The following MRAP2 variants were observed in gnomAD, a reference collection of about 807,000 sequenced individuals.
The protein encoded by MRAP2 is melanocortin 2 receptor accessory protein 2, also known as melanocortin-2 receptor accessory protein 2.
MRAP2 carries 20 observed loss-of-function variants against 17.4 expected under a neutral mutation model. That is an observed-to-expected ratio of 1.15 (90% CI 0.81 to 1.67). MRAP2 has a LOEUF of 1.67. Ranked by LOEUF, MRAP2 falls within the 40% of genes most tolerant of loss-of-function variation. The pLI, the probability that MRAP2 is intolerant of heterozygous loss-of-function variation, is 0.00. For synonymous variants in MRAP2, 96 were observed against 88.4 expected (o/e 1.09, Z -0.48); for missense variants, 238 against 240.0 (o/e 0.99, Z 0.05).
the MRAP2 span, among the ~76,000 whole-genome samples, chr6:84,139,264 CCA>C: frequency 5.3e-5 from 8 of 152,256 alleles, no homozygotes; most frequent in African/African-American, 1.2e-4. Flanking sequence ...ATTTACATTC[CCA>C]CAGTTTCCCA....
chr6:84,066,831 T>C (rs1304431579), intron 3 of MRAP2, among the ~76,000 whole-genome samples: 1 of 152,194 alleles, frequency 6.6e-6, no homozygotes, highest in Non-Finnish European at 1.5e-5. Context: ...TATCTCAGAT[T>C]GGCAATTTTT....
At chr6:84,082,773 A>G (rs931777486) in intron 3 of MRAP2, among the ~76,000 whole-genome samples, 1 of 151,916 alleles carries the variant, frequency 6.6e-6, no homozygotes. Context: ...AGCTTGATCA[A>G]TCCTTTATTC....
chr6:84,061,506 A>G (rs943237553), intron 2 of MRAP2, among the ~76,000 whole-genome samples: 2 of 152,212 alleles, frequency 1.3e-5, no homozygotes, highest in Admixed American at 6.5e-5. Flanking sequence ...GGAATTACAG[A>G]CAAAAATGTT....
intron 1 of MRAP2, among the ~76,000 whole-genome samples, chr6:84,041,883 G>T (rs1402585870): frequency 1.3e-5 from 2 of 152,342 alleles, no homozygotes; most frequent in South Asian, 2.1e-4. Flanking sequence ...TTGAGTTAAT[G>T]CTGGAATGAG....
At chr6:84,135,811 C>T in the MRAP2 span, among the ~76,000 whole-genome samples, 7 of 152,016 alleles carry the variant, frequency 4.6e-5, no homozygotes, top group Admixed American at 6.6e-5. Context: ...TGCTGTGAGC[C>T]GAGATTGTGC....
At chr6:84,087,019 T>C (rs138988915) in intron 3 of MRAP2, among the ~76,000 whole-genome samples, 6 of 152,332 alleles carry the variant, frequency 3.9e-5, no homozygotes, top group African/African-American at 1.4e-4. Context: ...ATCTTAATTA[T>C]GCTTTCTCCA....
At chr6:84,129,381 C>T in the MRAP2 span, among the ~76,000 whole-genome samples, 6,682 of 152,280 alleles carry the variant, frequency 0.044, 478 homozygotes, top group African/African-American at 0.15. Flanking sequence ...GATCGCCATT[C>T]TAACTGGCAT....
At position 84,083,870 on chromosome 6, in the gene MRAP2, C is replaced by T. The variant is rs528319754; in HGVS notation, c.228-5221C>T. 5.9e-5 allele frequency among the ~76,000 whole-genome samples: 9 copies of T among 152,076 alleles called. No homozygotes were observed. In the South Asian group the frequency reaches 6.2e-4, roughly 10 times the overall value. On this transcript the variant is annotated intron_variant, in intron 3 of 3. Coordinates refer to ENST00000257776, the MANE Select transcript of MRAP2 (RefSeq NM_138409.4). The stretch of plus-strand genomic sequence containing the variant: ...ACAAATACATAGAAGCAGATTCTCT[C>T]GCTTTCGTCTGGATATTTTAGTCAT...
intron 1 of MRAP2, among the ~76,000 whole-genome samples, chr6:84,049,973 C>T (rs1247369240): frequency 7.8e-6 from 1 of 128,504 alleles, no homozygotes; most frequent in Non-Finnish European, 1.5e-5. Flanking sequence ...GCCCAGCGTG[C>T]GTGCATTCAT....
intron 3 of MRAP2, among the ~76,000 whole-genome samples, chr6:84,083,956 T>C (rs951845188): frequency 3.3e-5 from 5 of 152,194 alleles, no homozygotes; most frequent in African/African-American, 1.2e-4. Context: ...ACTCAAATTA[T>C]ATTTCTGACA....
chr6:84,055,326 C>A lies in MRAP2; in HGVS notation c.8C>A (p.Ala3Asp). MS[A>D]QRLISNRTSQ... ...CATTTGTGCAGGTCGGAGATGTCCG[C>A]CCAGAGGTTAATTTCTAACAGAACC... Residue 3 changes from alanine (A) to aspartate (D), a missense_variant, in exon 2 of 4, where the codon GCC becomes GAC. Physicochemically the swap from Ala to Asp is moderately radical, Grantham distance 126. Transcript: ENST00000257776. 6.2e-7 allele frequency: 1 copy of A among 1,613,294 alleles called. No homozygotes were observed. The highest frequency in any genetic ancestry group is 1.7e-4 in the Middle Eastern group (1 of 6,060).
At chr6:84,140,725 A>G in the MRAP2 span, among the ~76,000 whole-genome samples, 7 of 151,990 alleles carry the variant, frequency 4.6e-5, no homozygotes, top group Non-Finnish European at 2.9e-5. Context: ...ATGTCTCGTC[A>G]TATTGCCCAG....
downstream of MRAP2, among the ~76,000 whole-genome samples, chr6:84,095,734 G>A (rs958186257): frequency 1.3e-5 from 2 of 152,166 alleles, no homozygotes; most frequent in Non-Finnish European, 2.9e-5. Flanking sequence ...TTATGTCTAG[G>A]CCAGGCTTTT....
intron 3 of MRAP2, among the ~76,000 whole-genome samples, chr6:84,073,669 C>T (rs1185416891): frequency 1.3e-5 from 2 of 152,178 alleles, no homozygotes; most frequent in Non-Finnish European, 2.9e-5. Context: ...GGGCTCTGGA[C>T]TCAAACATTT....
chr6:84,033,696 C>A (rs2099485121), upstream of MRAP2: 2 of 984,822 alleles, frequency 2.0e-6, no homozygotes, highest in Middle Eastern at 5.2e-4. Context: ...GCGCTGCAGC[C>A]CTGCTCCGGC....
chr6:84,061,885 G>A lies in MRAP2; in HGVS notation c.128-1008G>A, dbSNP rs180844297. 406 of 985,410 alleles carry A rather than the reference G, an allele frequency of 4.1e-4. No individual in the cohort carries two copies. In the Middle Eastern group the frequency reaches 6.3e-3, roughly 15 times the overall value. 61.0% of individuals were successfully genotyped at this position (985,410 alleles called of 1,614,324 possible). ...AATCTCTTTTACTCTGGAAAAGTGG[G>A]TCAGTTCTGTTTTTGTTGGAGAGCT... On this transcript the variant is annotated intron_variant, in intron 2 of 3. Transcript: ENST00000257776.
At chr6:84,119,672 TCATA>T in the MRAP2 span, among the ~76,000 whole-genome samples, 1 of 152,212 alleles carries the variant, frequency 6.6e-6, no homozygotes, top group Non-Finnish European at 1.5e-5. Context: ...TTTGAAAATG[TCATA>T]CACAGAATCA....
At chr6:84,035,175 G>A (rs1386171749) in intron 1 of MRAP2, among the ~76,000 whole-genome samples, 1 of 152,146 alleles carries the variant, frequency 6.6e-6, no homozygotes. Flanking sequence ...AGAGGGTCTC[G>A]AAGCCCGAAA....
chr6:84,098,864 T>C, the MRAP2 span, among the ~76,000 whole-genome samples: 4 of 152,158 alleles, frequency 2.6e-5, no homozygotes, highest in African/African-American at 4.8e-5. Flanking sequence ...TTATCAGATA[T>C]AGGATCTGCA....
Sources: gnomAD v4.1 joint callset for allele counts (sites outside exome capture counted in the v4.1 genomes callset) on GRCh38, gnomAD v4.1.1 for gene constraint, MANE v1.5 for transcripts, NCBI Gene and HGNC (gene_info 2026-07-23, HGNC 2026-07-21) for gene names.